The following DYM variants were observed in gnomAD, a reference collection of about 807,000 sequenced individuals.
DYM encodes dyggve-Melchior-Clausen syndrome protein.
DYM carries 78 observed loss-of-function variants against 93.1 expected under a neutral mutation model. That is an observed-to-expected ratio of 0.84 (90% confidence interval 0.70 to 1.01). The LOEUF is 1.01. Among genes scored for constraint, DYM ranks in the 50% least tolerant of loss-of-function variants. The pLI, the probability that DYM is intolerant of heterozygous loss-of-function variation, is 0.00. For synonymous variants in DYM, 321 were observed against 319.7 expected, an observed-to-expected ratio of 1.00 and a Z score of -0.04; for missense variants, 789 against 845.0, an observed-to-expected ratio of 0.93 and a Z score of 0.82.
intron 15 of DYM, among the ~76,000 whole-genome samples, chr18:49,148,210 G>A (rs1235252790): frequency 1.3e-5 from 2 of 152,082 alleles, no homozygotes; most frequent in South Asian, 2.1e-4. Flanking sequence ...GGAGGAGAGG[G>A]GAGGGACAGC....
chr18:49,162,819 G>T (rs931335457), intron 15 of DYM, among the ~76,000 whole-genome samples: 1 of 152,182 alleles, frequency 6.6e-6, no homozygotes, highest in African/African-American at 2.4e-5. Flanking sequence ...TAAAGGCACT[G>T]CACTCACAAG....
intron 6 of DYM, among the ~76,000 whole-genome samples, chr18:49,336,223 G>T (rs1219106663): frequency 6.6e-6 from 1 of 152,124 alleles, no homozygotes; most frequent in East Asian, 1.9e-4. Context: ...TTACTAAATT[G>T]TTTTAGTTTT....
chr18:49,183,895 T>G (rs1474119780), intron 14 of DYM, among the ~76,000 whole-genome samples: 1 of 151,530 alleles, frequency 6.6e-6, no homozygotes, highest in Non-Finnish European at 1.5e-5. Flanking sequence ...ACACCACAGA[T>G]CTCTCTCTCT....
intron 15 of DYM, among the ~76,000 whole-genome samples, chr18:49,143,360 G>T (rs76455424): frequency 0.021 from 3,130 of 152,234 alleles, 110 homozygotes; most frequent in African/African-American, 0.071. Flanking sequence ...TTGGTTTTAG[G>T]TGATAAGAGA....
chr18:49,372,291 A>C (rs917961172), intron 5 of DYM, among the ~76,000 whole-genome samples: 3 of 152,236 alleles, frequency 2.0e-5, no homozygotes, highest in African/African-American at 7.2e-5. Context: ...ATTGGCAGAA[A>C]ATATAAAAAG....
At chr18:49,079,408 T>A (rs188614616) in intron 17 of DYM, among the ~76,000 whole-genome samples, 3 of 151,856 alleles carry the variant, frequency 2.0e-5, no homozygotes, top group African/African-American at 2.4e-5. Context: ...TTTTTTTTTT[T>A]ATTTTTATTT....
At position 49,198,546 on chromosome 18, in the gene DYM, C is replaced by A. The variant is rs541644686; in HGVS notation, c.1625+11005G>T. Among the ~76,000 whole-genome samples, 112 of 152,134 alleles carry A rather than the reference C, an allele frequency of 7.4e-4. 2 individuals carry two copies. The highest frequency in any genetic ancestry group is 2.7e-3 in the African/African-American group (111 of 41,532). On this transcript the variant is annotated intron_variant, in intron 14 of 17. Coordinates refer to ENST00000675505, the MANE Select transcript of DYM (RefSeq NM_001353214.3). ...AAACAAATTTACAAGAAAAAAACAA[C>A]CCCATCAAAAAGTGGGTGAAGAACA...
At position 49,187,766 on chromosome 18, in the gene DYM, G is replaced by A. The variant is rs889184641; in HGVS notation, c.1625+21785C>T. On this transcript the variant is annotated intron_variant, in intron 14 of 17. Coordinates refer to ENST00000675505, the MANE Select transcript of DYM (RefSeq NM_001353214.3). ...AAATGTCATTTGGTTATGTAAGAGG[G>A]AAAAATTCACTTTTCTAAATGTACA... is the stretch of plus-strand genomic sequence containing the variant. 3.9e-5 allele frequency among the ~76,000 whole-genome samples: 6 copies of A among 152,092 alleles called. No homozygotes were observed. The South Asian group carries it at 1.2e-3, about 31-fold the overall frequency.
At chr18:49,245,776 T>C (rs1019210735) in intron 13 of DYM, among the ~76,000 whole-genome samples, 5 of 152,160 alleles carry the variant, frequency 3.3e-5, no homozygotes, top group African/African-American at 1.2e-4. Flanking sequence ...CCTCCCCTTT[T>C]AGAATCCCTA....
In DYM at chr18:49,074,432, C is replaced by T. The variant is rs113438608; in HGVS notation, c.2025+22970G>A. On this transcript the variant is annotated intron_variant, in intron 17 of 17. Coordinates refer to ENST00000675505, the MANE Select transcript of DYM (RefSeq NM_001353214.3). ...CATCTGTGGATTTTGGTATCTATGG[C>T]GGGTGTTTTGGGGGTGGGGTCCTGG... Among the ~76,000 whole-genome samples, 1,478 of 152,046 alleles carry T rather than the reference C, an allele frequency of 9.7e-3. 37 individuals carry two copies. The highest frequency in any genetic ancestry group is 0.073 in the South Asian group (350 of 4,818).
chr18:49,363,654 C>T (rs1208613805), intron 5 of DYM, among the ~76,000 whole-genome samples: 2 of 152,166 alleles, frequency 1.3e-5, no homozygotes, highest in Non-Finnish European at 2.9e-5. Flanking sequence ...AAATATCTGG[C>T]CTTACCCTTG....
At chr18:49,367,177 T>C (rs940050173) in intron 5 of DYM, among the ~76,000 whole-genome samples, 1 of 152,198 alleles carries the variant, frequency 6.6e-6, no homozygotes, top group African/African-American at 2.4e-5. Context: ...CTAGAAGTTC[T>C]TGACTCCTTC....
At chr18:49,337,685 C>T (rs1046358996) in intron 6 of DYM, among the ~76,000 whole-genome samples, 1 of 151,952 alleles carries the variant, frequency 6.6e-6, no homozygotes, top group Non-Finnish European at 1.5e-5. Context: ...GAAGAGTCAG[C>T]GGAATAATCA....
chr18:49,143,863 T>A (rs1309407149), intron 15 of DYM, among the ~76,000 whole-genome samples: 1 of 152,196 alleles, frequency 6.6e-6, no homozygotes, highest in Non-Finnish European at 1.5e-5. Context: ...TTCCTTATAC[T>A]CATTCATTTC....
At chr18:49,413,042 C>T (rs1271333686) in intron 2 of DYM, 8 of 152,156 alleles carry the variant, frequency 5.3e-5, no homozygotes, top group Non-Finnish European at 1.2e-4. Context: ...TTGAAAAATG[C>T]TTGAAAATGT....
In DYM at chr18:49,039,469, C is replaced by A. The variant is rs1770796095; in HGVS notation, c.*4586G>T. On this transcript the variant is annotated 3_prime_UTR_variant, in exon 18 of 18. Coordinates refer to ENST00000675505, the MANE Select transcript of DYM (RefSeq NM_001353214.3). The stretch of plus-strand genomic sequence containing the variant: ...ATCTTTCATGAGTTTTGGAAAAGTT[C>A]TCAGCCATTTGTTTAAATATTCCTT... Among the ~76,000 whole-genome samples the A allele has an allele frequency of 6.6e-6, 1 of 152,094 alleles. No individual in the cohort carries two copies. The highest frequency in any genetic ancestry group is 6.5e-5 in the Admixed American group (1 of 15,276).
chr18:49,350,773 A>C (rs2065053611), intron 6 of DYM, among the ~76,000 whole-genome samples: 1 of 151,758 alleles, frequency 6.6e-6, no homozygotes, highest in Non-Finnish European at 1.5e-5. Context: ...GTATGCTATG[A>C]ATGGGAGAGG....
chr18:49,451,740 T>C (rs1367310525), intron 1 of DYM, among the ~76,000 whole-genome samples: 1 of 152,236 alleles, frequency 6.6e-6, no homozygotes, highest in Non-Finnish European at 1.5e-5. Flanking sequence ...CACGGTCCTA[T>C]CATAATTTGT....
intron 15 of DYM, among the ~76,000 whole-genome samples, chr18:49,140,374 G>T (rs1448542558): frequency 6.6e-6 from 1 of 152,106 alleles, no homozygotes; most frequent in African/African-American, 2.4e-5. Context: ...GAAATGGGCT[G>T]ATCACTGCAA....
Sources: allele counts gnomAD v4.1 joint callset (sites outside exome capture counted in the v4.1 genomes callset), GRCh38; gene constraint gnomAD v4.1.1; transcripts MANE v1.5; gene names NCBI Gene and HGNC (gene_info 2026-07-23, HGNC 2026-07-21).